The following WASHC5 variants were observed in gnomAD, a reference collection of about 807,000 sequenced individuals.
WASHC5 encodes WASH complex subunit 5, also known as WASH complex subunit strumpellin.
WASHC5 carries 101 observed loss-of-function variants against 150.4 expected under a neutral mutation model. That is an observed-to-expected ratio of 0.67 (90% CI 0.57 to 0.79). The LOEUF (loss-of-function observed/expected upper bound fraction) is 0.79, where lower values mean the gene tolerates loss of function less well. Ranked by LOEUF, WASHC5 falls within the 30% of genes least tolerant of loss-of-function variation. The pLI is 0.00. For missense variants in WASHC5, 1,195 were observed against 1,396.3 expected, an observed-to-expected ratio of 0.86 and a Z score of 2.30; for synonymous variants, 467 against 491.2, an observed-to-expected ratio of 0.95 and a Z score of 0.65.
chr8:125,083,793 T>C lies in WASHC5; in HGVS notation c.106A>G (p.Ile36Val). The change falls in exon 2 of 29, where the codon ATT becomes GTT. Residue 36 changes from isoleucine (I) to valine (V), a missense_variant. This residue lies in a region of WASHC5 where 195 missense variants were observed against 206.9 expected (regional missense o/e 0.94). Transcript: ENST00000318410. ...TCTTTTAACCTGAACACAGCAGGAA[T>C]AAACTCAGAGAGTCTCAAAAGTTCA... The part of the protein sequence containing the change: ...IAELLRLSEF[I>V]PAVFRLKDRA... The C allele has an allele frequency of 6.2e-7, 1 of 1,613,870 alleles. No homozygotes were observed. Among genetic ancestry groups the C allele is most frequent in the Non-Finnish European group, 8.5e-7 (1 of 1,179,794 alleles).
intron 18 of WASHC5, 21 bp downstream of exon 18, chr8:125,050,543 C>T: frequency 6.4e-7 from 1 of 1,570,492 alleles, no homozygotes; most frequent in Non-Finnish European, 8.8e-7. Flanking sequence ...AGAGGACAGG[C>T]CCACTCTGGT....
chr8:125,075,032 T>G lies in WASHC5; in HGVS notation c.944A>C (p.Asn315Thr). 1 of 1,612,664 alleles carries G rather than the reference T, an allele frequency of 6.2e-7. No homozygotes were observed. Among genetic ancestry groups the G allele is most frequent in the Non-Finnish European group, 8.5e-7 (1 of 1,178,782 alleles). Residue 315 changes from asparagine (N) to threonine (T), a missense_variant, in exon 8 of 29, where the codon AAT becomes ACT. Physicochemically the swap from Asn to Thr is moderately conservative, Grantham distance 65 (BLOSUM62 0). This residue lies in a region of WASHC5 where 997 missense variants were observed against 1,168.1 expected (regional missense o/e 0.85). Transcript: ENST00000318410. Reference sequence around the variant, plus strand: ...GACATTTGAAAGGTCCAGGGTATTATTTAAAGCAGTTTTTGCAGCTTTGTA... The same window carrying G: ...GACATTTGAAAGGTCCAGGGTATTAGTTAAAGCAGTTTTTGCAGCTTTGTA... ...EPYKAAKTALNNTLDLSNVRE... is the reference protein window; with the variant it reads ...EPYKAAKTALTNTLDLSNVRE...
chr8:125,082,127 T>G (rs1415821048), intron 4 of WASHC5, among the ~76,000 whole-genome samples: 2 of 152,194 alleles, frequency 1.3e-5, no homozygotes, highest in Non-Finnish European at 2.9e-5. Context: ...ATGGCTGGGA[T>G]GCAAAAAGTA....
intron 16 of WASHC5, among the ~76,000 whole-genome samples, chr8:125,056,234 C>T (rs930632693): frequency 3.3e-5 from 5 of 152,042 alleles, no homozygotes; most frequent in Non-Finnish European, 7.4e-5. Context: ...AGAAAAAAAC[C>T]AGAGGTGCTT....
chr8:125,075,215 C>G, intron 7 of WASHC5, 104 bp from the exon 8 acceptor site: 1 of 780,192 alleles, frequency 1.3e-6, no homozygotes, highest in Non-Finnish European at 2.3e-6. Flanking sequence ...TGTTTAAATT[C>G]CATTCCAATG....
chr8:125,075,214 T>C, intron 7 of WASHC5, 103 bp from the exon 8 acceptor site: 1 of 780,496 alleles, frequency 1.3e-6, no homozygotes, highest in South Asian at 1.4e-5. Flanking sequence ...ATGTTTAAAT[T>C]CCATTCCAAT....
At chr8:125,029,939 T>C (rs920255500) in intron 27 of WASHC5, among the ~76,000 whole-genome samples, 3 of 152,348 alleles carry the variant, frequency 2.0e-5, no homozygotes, top group Admixed American at 6.5e-5. Flanking sequence ...ACCAGGGCTA[T>C]ATTTGCTCTG....
intron 12 of WASHC5, among the ~76,000 whole-genome samples, chr8:125,059,960 C>G (rs1816542090): frequency 6.6e-6 from 1 of 151,992 alleles, no homozygotes; most frequent in Non-Finnish European, 1.5e-5. Flanking sequence ...TAAAAAAATC[C>G]AAACAAGCAA....
intron 16 of WASHC5, among the ~76,000 whole-genome samples, chr8:125,056,349 G>C (rs1024387186): frequency 1.3e-5 from 2 of 152,144 alleles, no homozygotes; most frequent in African/African-American, 4.8e-5. Context: ...TGCTCAAAAA[G>C]GAACATGAAT....
In WASHC5 at chr8:125,056,745, T is replaced by C. The variant is rs1188960621; in HGVS notation, c.1948A>G (p.Ile650Val). The change falls in exon 16 of 29, where the codon ATT becomes GTT. Residue 650 changes from isoleucine to valine, a missense_variant. Physicochemically the swap from Ile to Val is conservative, Grantham distance 29 (BLOSUM62 3). Transcript: ENST00000318410. The part of the protein sequence containing the change: ...KIIKLQTHDI[I>V]EVPTRLDKDK... ...TTGTCCAGGCGGGTAGGCACTTCAA[T>C]AATGTCGTGGGTCTGAAGCTTTATG... is the stretch of plus-strand genomic sequence containing the variant. 6.2e-7 allele frequency: 1 copy of C among 1,614,162 alleles called. No individual in the cohort carries two copies.
chr8:125,046,246 T>C (rs1248408698), intron 20 of WASHC5, among the ~76,000 whole-genome samples: 1 of 152,152 alleles, frequency 6.6e-6, no homozygotes, highest in African/African-American at 2.4e-5. Flanking sequence ...GAACCTGCTC[T>C]TCCCCAAGCT....
At chr8:125,043,636 T>A (rs1423557929) in intron 23 of WASHC5, among the ~76,000 whole-genome samples, 189 bp downstream of exon 23, 1 of 152,210 alleles carries the variant, frequency 6.6e-6, no homozygotes, top group African/African-American at 2.4e-5. Context: ...CTAAAAAGCC[T>A]AATCAAGAAC....
chr8:125,036,481 G>A (rs1438473035), intron 26 of WASHC5, among the ~76,000 whole-genome samples: 1 of 151,972 alleles, frequency 6.6e-6, no homozygotes, highest in East Asian at 1.9e-4. Flanking sequence ...AACCAGTCTC[G>A]GCAACATGGC....
intron 11 of WASHC5, among the ~76,000 whole-genome samples, chr8:125,061,832 T>C (rs1198983183): frequency 1.3e-5 from 2 of 152,198 alleles, no homozygotes; most frequent in Non-Finnish European, 2.9e-5. Flanking sequence ...TTGATCTTCA[T>C]AGCAATACAG....
At chr8:125,078,425 TG>T (rs1817126869) in intron 6 of WASHC5, among the ~76,000 whole-genome samples, 1 of 152,208 alleles carries the variant, frequency 6.6e-6, no homozygotes, top group South Asian at 2.1e-4. Context: ...TCTTCTTCGG[TG>T]ATGGGTCCCC....
At chr8:125,054,902 CAG>C (rs905291382) in intron 17 of WASHC5, among the ~76,000 whole-genome samples, 2 of 148,368 alleles carry the variant, frequency 1.3e-5, no homozygotes. Context: ...GGAAGGAAAA[CAG>C]AGAGAGAGAA....
At chr8:125,087,539 G>C (rs1817455450) in intron 1 of WASHC5, among the ~76,000 whole-genome samples, 1 of 151,992 alleles carries the variant, frequency 6.6e-6, no homozygotes, top group South Asian at 2.1e-4. Context: ...GACCAGTCTG[G>C]GCAACAATAG....
chr8:125,068,872 C>A (rs1816824307), intron 9 of WASHC5, among the ~76,000 whole-genome samples: 2 of 152,174 alleles, frequency 1.3e-5, no homozygotes, highest in Admixed American at 6.5e-5. Context: ...CCAAGCTAAA[C>A]CATTTCAAAT....
In WASHC5 at chr8:125,050,663, C is replaced by T. The variant is rs148936723; in HGVS notation, c.2100G>A (p.Val700=). 6.2e-4 allele frequency: 1,001 copies of T among 1,612,090 alleles called. 5 individuals carry two copies. In the African/African-American group the frequency reaches 0.012, roughly 19 times the overall value. The change falls in exon 18 of 29, where the codon GTG becomes GTA. Residue 700 remains valine, a splice_region_variant and synonymous_variant. Transcript: ENST00000318410. The part of the protein sequence containing the change: ...MKTTLVGIIK[V]DPKQLLEDGI... ...CATCTTCCAGCAACTGCTTTGGATC[C>T]ACCTAAGTGCCAATCAAAAGTATTA...
Sources: gnomAD v4.1 joint callset for allele counts (sites outside exome capture counted in the v4.1 genomes callset) on GRCh38, gnomAD v4.1.1 for gene constraint, gnomAD v4.1.1 regional missense constraint, MANE v1.5 for transcripts, NCBI Gene and HGNC (gene_info 2026-07-23, HGNC 2026-07-21) for gene names.